CATSPERD: variants seen among roughly 807,000 people sequenced by gnomAD.
The protein encoded by CATSPERD is catsper channel auxiliary subunit delta, also known as cation channel sperm-associated auxiliary subunit delta.
Under a neutral mutation model 98.1 loss-of-function variants are expected in CATSPERD, and 86 were observed. The observed-to-expected ratio is 0.88, with a 90% CI of 0.74 to 1.05. CATSPERD has a LOEUF of 1.05. CATSPERD is among the 50% of genes least tolerant of loss of function. The pLI, the probability that CATSPERD is intolerant of heterozygous loss-of-function variation, is 0.00. For synonymous variants in CATSPERD, 394 were observed against 390.2 expected, an observed-to-expected ratio of 1.01 and a Z score of -0.12; for missense variants, 995 against 1,005.7, an observed-to-expected ratio of 0.99 and a Z score of 0.14.
intron 13 of CATSPERD, among the ~76,000 whole-genome samples, chr19:5,757,457 CT>C (rs1341012855): frequency 6.6e-6 from 1 of 151,600 alleles, no homozygotes. Flanking sequence ...ACCACCATGC[CT>C]GGCTAATTTT....
Position 5,746,589 on chromosome 19 carries a change from C to T in CATSPERD, c.808+526C>T, listed in dbSNP as rs547306496. 2.8e-4 allele frequency among the ~76,000 whole-genome samples: 43 copies of T among 151,946 alleles called. No homozygotes were observed. In the South Asian group the frequency reaches 8.3e-3, roughly 29 times the overall value. On this transcript the variant is annotated intron_variant, in intron 9 of 21. Transcript: ENST00000381624. ...GACTACAGGCGCCCAGCACCATGCC[C>T]GGCTAATTTTTTTTTTTGTATTTTT... is the stretch of plus-strand genomic sequence containing the variant.
At chr19:5,731,560 GTTTTTTTTTTTT>G (rs67541709) in intron 4 of CATSPERD, among the ~76,000 whole-genome samples, 2 of 75,732 alleles carry the variant, frequency 2.6e-5, no homozygotes, top group African/African-American at 5.0e-5. Context: ...ACACTTAACA[GTTTTTTTTTTTT>G]TTTTTTTTTT....
chr19:5,765,138 G>A (rs1165667803), intron 16 of CATSPERD, among the ~76,000 whole-genome samples: 1 of 151,782 alleles, frequency 6.6e-6, no homozygotes, highest in African/African-American at 2.4e-5. Flanking sequence ...CTAACTCCTG[G>A]CCTCAAGCAA....
Position 5,766,115 on chromosome 19 carries a change from TCA to T in CATSPERD, c.1520_1521del (p.Ser507CysfsTer7), listed in dbSNP as rs1420221330. The T allele has an allele frequency of 6.2e-7, 1 of 1,613,108 alleles. No homozygotes were observed. Among genetic ancestry groups the T allele is most frequent in the South Asian group, 1.1e-5 (1 of 90,986 alleles). Reference sequence around the variant, plus strand: ...CTCTCCTCTGCAGTCGACACTGATTTCAGTTGGCTGCGACCTGGATAAAAAGA... The same window carrying T: ...CTCTCCTCTGCAGTCGACACTGATTTGTTGGCTGCGACCTGGATAAAAAGA... ...VDIKPLSTLI[S>X]VGCDLDKKIV... On this transcript the variant is annotated frameshift_variant, in exon 17 of 22. Coordinates refer to ENST00000381624, the MANE Select transcript of CATSPERD (RefSeq NM_152784.4). LOFTEE classifies it high-confidence loss of function.
intron 14 of CATSPERD, among the ~76,000 whole-genome samples, chr19:5,758,611 C>A (rs913022219): frequency 6.7e-6 from 1 of 148,832 alleles, no homozygotes. Context: ...GGTGTGGTGG[C>A]GGGCACCTGT....
chr19:5,729,072 T>A (rs2055665845), intron 3 of CATSPERD, among the ~76,000 whole-genome samples: 1 of 151,738 alleles, frequency 6.6e-6, no homozygotes, highest in Non-Finnish European at 1.5e-5. Context: ...ACAAAAACTT[T>A]AAAAGGAATA....
intron 9 of CATSPERD, 53 bp downstream of exon 9, chr19:5,746,116 G>T: frequency 1.9e-6 from 3 of 1,597,282 alleles, no homozygotes; most frequent in Non-Finnish European, 2.6e-6. Context: ...CCTCCAGAGG[G>T]GCCGAGTACA....
chr19:5,778,504 A>G lies in CATSPERD; in HGVS notation c.2225A>G (p.Lys742Arg), dbSNP rs1420262253. 7 of 1,614,004 alleles carry G rather than the reference A, an allele frequency of 4.3e-6. No homozygotes were observed. Among genetic ancestry groups the G allele is most frequent in the Non-Finnish European group, 5.9e-6 (7 of 1,180,042 alleles). The change falls in exon 22 of 22, where the codon AAG (lysine) becomes AGG (arginine). Residue 742 changes from lysine (K) to arginine (R), a missense_variant. Transcript: ENST00000381624. ...CTGGGGTCCGTTTGGCTGGCCTACAAGACCCCCAAGCTGCTACGCACAGCA... is the reference window on the plus strand; with the variant it reads ...CTGGGGTCCGTTTGGCTGGCCTACAGGACCCCCAAGCTGCTACGCACAGCA... ...SILGSVWLAY[K>R]TPKLLRTARG...
chr19:5,756,163 C>A (rs2056320718), intron 13 of CATSPERD, among the ~76,000 whole-genome samples: 1 of 151,792 alleles, frequency 6.6e-6, no homozygotes. Flanking sequence ...TGCCTGTAAT[C>A]CCCGCTACTC....
intron 20 of CATSPERD, chr19:5,775,109 C>T (rs1349124809): frequency 1.1e-5 from 4 of 363,796 alleles, no homozygotes; most frequent in African/African-American, 8.7e-5. Context: ...TGAAAGCAGG[C>T]ATGTGGCAGA....
intron 6 of CATSPERD, among the ~76,000 whole-genome samples, chr19:5,738,868 G>T (rs570086249): frequency 6.8e-6 from 1 of 146,974 alleles, no homozygotes; most frequent in Non-Finnish European, 1.5e-5. Flanking sequence ...GAGCCAACAC[G>T]CCCGGCCTGT....
intron 20 of CATSPERD, 38 bp from the exon 21 acceptor site, chr19:5,776,123 G>T (rs758403715): frequency 3.2e-5 from 52 of 1,604,066 alleles, no homozygotes; most frequent in Non-Finnish European, 4.3e-5. Flanking sequence ...CCCCTCCCCA[G>T]TCCCTAGGGC....
rs917958563 is a variant in CATSPERD at position 5,729,809 on chromosome 19, A to G, written c.204-63A>G. On this transcript the variant is annotated intron_variant, in intron 3 of 21. Transcript: ENST00000381624. ...AATGGAGACATTTTAGAGTACCTCT[A>G]TTGTCTTTTTTCTTTCCTTGTGTGA... 6 of 1,005,722 alleles carry G rather than the reference A, an allele frequency of 6.0e-6. No homozygotes were observed. The African/African-American group carries it at 6.4e-5, about 11-fold the overall frequency. The allele number at this position is 1,005,722 out of a possible 1,614,324, so 62.3% of individuals were successfully genotyped here.
intron 7 of CATSPERD, among the ~76,000 whole-genome samples, chr19:5,741,062 A>T (rs2055953500): frequency 2.1e-5 from 1 of 47,930 alleles, no homozygotes; most frequent in African/African-American, 7.4e-5. Flanking sequence ...TGCAGTCTGG[A>T]TGACAGAGTG....
chr19:5,743,077 G>T (rs772321455), intron 7 of CATSPERD, among the ~76,000 whole-genome samples: 57 of 152,352 alleles, frequency 3.7e-4, no homozygotes, highest in Middle Eastern at 3.4e-3. Context: ...GACAAGGCAG[G>T]TGGATCACGA....
intron 7 of CATSPERD, among the ~76,000 whole-genome samples, chr19:5,739,687 A>G (rs913447090): frequency 6.6e-6 from 1 of 151,746 alleles, no homozygotes; most frequent in African/African-American, 2.4e-5. Context: ...AAAAAAATAA[A>G]TAAATTAGTC....
intron 7 of CATSPERD, among the ~76,000 whole-genome samples, chr19:5,743,041 C>T (rs985796644): frequency 8.5e-5 from 13 of 152,306 alleles, no homozygotes; most frequent in Admixed American, 2.6e-4. Flanking sequence ...CGATGGCTCA[C>T]GCCTGTAATC....
At chr19:5,755,610 AAAC>A (rs2056309654) in intron 13 of CATSPERD, among the ~76,000 whole-genome samples, 1 of 151,950 alleles carries the variant, frequency 6.6e-6, no homozygotes, top group Non-Finnish European at 1.5e-5. Flanking sequence ...TCTGTACAAA[AAAC>A]ATAAAAATTA....
Position 5,745,960 on chromosome 19 carries a change from G to A in CATSPERD, c.705G>A (p.Leu235=), listed in dbSNP as rs777630392. ...SDHPLNRSFG[L]SFDYNGTLDI... ...ACCCCCTCAACCGGAGTTTCGGGCT[G>A]TCTTTTGACTATAATGGGACTCTAG... The change falls in exon 9 of 22, where the codon CTG becomes CTA. Residue 235 remains leucine, a synonymous_variant. Coordinates refer to ENST00000381624, the MANE Select transcript of CATSPERD (RefSeq NM_152784.4). The A allele has an allele frequency of 1.2e-6, 2 of 1,613,988 alleles. No individual in the cohort carries two copies. The highest frequency in any genetic ancestry group is 8.5e-7 in the Non-Finnish European group (1 of 1,180,014).
Sources: gnomAD v4.1 joint callset for allele counts (sites outside exome capture counted in the v4.1 genomes callset) on GRCh38, gnomAD v4.1.1 for gene constraint, MANE v1.5 for transcripts, NCBI Gene and HGNC (gene_info 2026-07-23, HGNC 2026-07-21) for gene names.